Variants in RAB43 observed in about 807,000 individuals in gnomAD.
RAB43 encodes ras-related protein Rab-43.
RAB43 carries 6 observed loss-of-function variants against 18.8 expected under a neutral mutation model. The observed-to-expected ratio is 0.32, with a 90% CI of 0.17 to 0.63. RAB43 has a LOEUF of 0.63. RAB43 is among the 30% of genes least tolerant of loss of function. The pLI is 0.79. For synonymous variants in RAB43, 103 were observed against 124.1 expected (o/e 0.83, Z 1.13); for missense variants, 195 against 289.1 (o/e 0.67, Z 2.36).
At chr3:129,097,746 T>G (rs1469436930) in intron 1 of RAB43, among the ~76,000 whole-genome samples, 1 of 152,108 alleles carries the variant, frequency 6.6e-6, no homozygotes, top group Non-Finnish European at 1.5e-5. Context: ...GCAGCATCGC[T>G]GGTGGCAGAG....
rs750239114 is a variant in RAB43, at chr3:129,109,409, C to CA, written c.204+11876dup. Among the ~76,000 whole-genome samples, 285 of 65,440 alleles carry CA rather than the reference C, an allele frequency of 4.4e-3. 2 individuals are homozygous for CA. The Middle Eastern group carries it at 0.067, about 15-fold the overall frequency. 42.9% of individuals were successfully genotyped at this position (65,440 alleles called of 152,430 possible). On this transcript the variant is annotated intron_variant, in intron 1 of 2. Coordinates refer to ENST00000315150, the MANE Select transcript of RAB43 (RefSeq NM_198490.3). ...TGGGCGACAGAGCGAGACTCCGTCTCAAAAAAAAAAAAAAAATCAATGTCA... is the reference window on the plus strand; with the variant it reads ...TGGGCGACAGAGCGAGACTCCGTCTCAAAAAAAAAAAAAAAAATCAATGTCA...
At chr3:129,108,076 C>T (rs1200374687) in intron 1 of RAB43, among the ~76,000 whole-genome samples, 1 of 152,254 alleles carries the variant, frequency 6.6e-6, no homozygotes, top group Non-Finnish European at 1.5e-5. Context: ...CATCACACTC[C>T]TCCCTCCCAG....
chr3:129,110,631 G>C (rs1042720778), intron 1 of RAB43, among the ~76,000 whole-genome samples: 2 of 152,184 alleles, frequency 1.3e-5, no homozygotes, highest in African/African-American at 4.8e-5. Flanking sequence ...GAGGTCAGAA[G>C]ATCAAGACGA....
At chr3:129,110,184 G>A (rs1039694893) in intron 1 of RAB43, among the ~76,000 whole-genome samples, 1 of 152,094 alleles carries the variant, frequency 6.6e-6, no homozygotes, top group Non-Finnish European at 1.5e-5. Flanking sequence ...GATCCTGGTA[G>A]ATAAATTTAA....
chr3:129,108,377 G>T (rs1458007103), intron 1 of RAB43, among the ~76,000 whole-genome samples: 2 of 152,250 alleles, frequency 1.3e-5, no homozygotes, highest in Non-Finnish European at 2.9e-5. Flanking sequence ...AGGCCATGCA[G>T]TCCAACTCTT....
chr3:129,107,369 G>A lies in RAB43; in HGVS notation c.205-12200C>T, dbSNP rs1479217091. Among the ~76,000 whole-genome samples the A allele has an allele frequency of 6.6e-6, 1 of 152,016 alleles. No individual in the cohort carries two copies. Among genetic ancestry groups the A allele is most frequent in the Non-Finnish European group, 1.5e-5 (1 of 68,016 alleles). ...ACTGTGGGAAACGACCCTGGCCTCT[G>A]GCCAACAAGTCCTGCCTCATCTGCT... On this transcript the variant is annotated intron_variant, in intron 1 of 2. Transcript: ENST00000315150. This position sits in a 1 kb window ranked among gnomAD's most constrained non-coding sequence, Gnocchi z 4.2.
intron 1 of RAB43, among the ~76,000 whole-genome samples, chr3:129,113,018 G>A (rs1935266968): frequency 6.6e-6 from 1 of 151,894 alleles, no homozygotes; most frequent in African/African-American, 2.4e-5. Flanking sequence ...CACCAAAGCA[G>A]GTGCAGGTTC....
chr3:129,114,279 G>T (rs2107577964), intron 1 of RAB43, among the ~76,000 whole-genome samples: 1 of 152,254 alleles, frequency 6.6e-6, no homozygotes, highest in East Asian at 1.9e-4. Context: ...ATACAAGATG[G>T]CCTAGATTTT....
At chr3:129,111,509 C>CAAAA (rs59684183) in intron 1 of RAB43, among the ~76,000 whole-genome samples, 2 of 68,608 alleles carry the variant, frequency 2.9e-5, no homozygotes, top group African/African-American at 5.2e-5. Context: ...GACTCTGTCT[C>CAAAA]AAAAAAAAAA....
intron 1 of RAB43, among the ~76,000 whole-genome samples, chr3:129,100,816 C>T (rs1934364897): frequency 6.6e-6 from 1 of 151,404 alleles, no homozygotes; most frequent in Non-Finnish European, 1.5e-5. Flanking sequence ...TTCTGTTTTT[C>T]TTTTTTTTTG....
chr3:129,119,143 A>C (rs975215946), intron 1 of RAB43, among the ~76,000 whole-genome samples: 5 of 152,242 alleles, frequency 3.3e-5, no homozygotes, highest in African/African-American at 1.2e-4. Flanking sequence ...ACCTCAAAAA[A>C]CTTGACTTAA....
At chr3:129,113,844 T>C (rs1312379208) in intron 1 of RAB43, among the ~76,000 whole-genome samples, 1 of 151,824 alleles carries the variant, frequency 6.6e-6, no homozygotes, top group South Asian at 2.1e-4. Flanking sequence ...CTGGCTAACA[T>C]GGTGACACCC....
chr3:129,101,356 G>A (rs910318555), intron 1 of RAB43, among the ~76,000 whole-genome samples: 2 of 152,142 alleles, frequency 1.3e-5, no homozygotes, highest in East Asian at 3.9e-4. Context: ...TTCAACATGC[G>A]CTGAGCTCCT....
intron 1 of RAB43, among the ~76,000 whole-genome samples, chr3:129,099,366 C>T (rs1934270677): frequency 6.6e-6 from 1 of 151,272 alleles, no homozygotes. Flanking sequence ...GCTGGGATTA[C>T]AGGCGTGAGC....
At chr3:129,119,061 G>T (rs539833790) in intron 1 of RAB43, among the ~76,000 whole-genome samples, 85 of 152,234 alleles carry the variant, frequency 5.6e-4, no homozygotes, top group Non-Finnish European at 1.1e-3. Flanking sequence ...GTGGCTGCTT[G>T]TCTGTGTAAG....
At chr3:129,096,206 T>C (rs1033068263) in intron 1 of RAB43, among the ~76,000 whole-genome samples, 2 of 152,040 alleles carry the variant, frequency 1.3e-5, no homozygotes, top group Admixed American at 1.3e-4. Flanking sequence ...CTGTCTGGGG[T>C]GGGGAAAAGC....
At chr3:129,114,412 G>T (rs1935362961) in intron 1 of RAB43, among the ~76,000 whole-genome samples, 1 of 152,206 alleles carries the variant, frequency 6.6e-6, no homozygotes, top group Non-Finnish European at 1.5e-5. Flanking sequence ...CTCTGGTTCA[G>T]ACTTTGCCAC....
Position 129,093,390 on chromosome 3 carries a change from T to C in RAB43, c.388+1596A>G, listed in dbSNP as rs750885382. Among the ~76,000 whole-genome samples, 116 of 151,944 alleles carry C rather than the reference T, an allele frequency of 7.6e-4. 1 individual carries two copies. Among genetic ancestry groups the C allele is most frequent in the Non-Finnish European group, 1.3e-3 (91 of 68,004 alleles). On this transcript the variant is annotated intron_variant, in intron 2 of 2. Coordinates refer to ENST00000315150, the MANE Select transcript of RAB43 (RefSeq NM_198490.3). ...ACTTTTAGAGGTCGAGACGGGTGGA[T>C]CACGAGGTCAGGAGATCGAGACCAT... is the stretch of plus-strand genomic sequence containing the variant.
intron 1 of RAB43, among the ~76,000 whole-genome samples, chr3:129,108,074 T>A (rs1308654563): frequency 6.6e-6 from 1 of 151,664 alleles, no homozygotes; most frequent in Admixed American, 6.6e-5. Flanking sequence ...AACATCACAC[T>A]CCTCCCTCCC....
Sources: gnomAD v4.1 joint callset for allele counts (sites outside exome capture counted in the v4.1 genomes callset) on GRCh38, gnomAD v4.1.1 for gene constraint, Gnocchi (gnomAD v3.1) non-coding constraint, MANE v1.5 for transcripts, NCBI Gene and HGNC (gene_info 2026-07-23, HGNC 2026-07-21) for gene names.